HENMT1: variants seen among roughly 807,000 people sequenced by gnomAD.
HENMT1 encodes the protein HEN methyltransferase 1.
HENMT1 carries 27 observed loss-of-function variants against 31.1 expected under a neutral mutation model. The ratio of observed to expected loss-of-function variants is 0.87; its 90% CI spans 0.64 to 1.20. The LOEUF is 1.20. Among genes scored for constraint, HENMT1 ranks in the 50% most tolerant of loss-of-function variants. The pLI is 0.00. For missense variants in HENMT1, 438 were observed against 469.6 expected, an observed-to-expected ratio of 0.93 and a Z score of 0.62; for synonymous variants, 167 against 172.2, an observed-to-expected ratio of 0.97 and a Z score of 0.24.
chr1:108,658,948 A>C (rs1367258243), intron 2 of HENMT1, among the ~76,000 whole-genome samples: 2 of 152,232 alleles, frequency 1.3e-5, no homozygotes, highest in African/African-American at 4.8e-5. Flanking sequence ...GATAAAATAC[A>C]AGTAGGCAAC....
intron 1 of HENMT1, among the ~76,000 whole-genome samples, chr1:108,660,676 G>A (rs1254442311): frequency 6.6e-6 from 1 of 152,138 alleles, no homozygotes; most frequent in South Asian, 2.1e-4. Flanking sequence ...TGTAATCCCA[G>A]CACTTTGGGA....
intron 2 of HENMT1, among the ~76,000 whole-genome samples, chr1:108,658,504 C>T (rs1274729999): frequency 6.6e-6 from 1 of 152,182 alleles, no homozygotes; most frequent in African/African-American, 2.4e-5. Flanking sequence ...TGGGCTCAAG[C>T]AATCCTCTGG....
chr1:108,654,760 T>C lies in HENMT1; in HGVS notation c.354A>G (p.Arg118=), dbSNP rs1658164902. The C allele has an allele frequency of 3.1e-6, 5 of 1,614,054 alleles. No individual in the cohort carries two copies. Among genetic ancestry groups the C allele is most frequent in the Non-Finnish European group, 4.2e-6 (5 of 1,179,950 alleles). ...ITLYHGSVVE[R]DSRLLGFDLI... ...AGTCAAATCCAAGCAAACGAGAGTC[T>C]CTCTCCACAACGGAGCCATGATACA... The change falls in exon 5 of 8, where the codon AGA becomes AGG. Residue 118 remains arginine (R), a synonymous_variant. Transcript: ENST00000651461.
chr1:108,651,000 C>T, intron 6 of HENMT1, 30 bp downstream of exon 6: 1 of 1,520,590 alleles, frequency 6.6e-7, no homozygotes, highest in Non-Finnish European at 9.0e-7. Context: ...CAACAGGATC[C>T]CAAATAAACA....
chr1:108,655,848 TACACACAC>T lies in HENMT1; in HGVS notation c.151-158_151-151del, dbSNP rs61122468. 2,133 of 233,470 alleles carry T rather than the reference TACACACAC, an allele frequency of 9.1e-3. 9 individuals are homozygous for T. Among genetic ancestry groups the T allele is most frequent in the African/African-American group, 0.019 (792 of 40,634 alleles). The allele number at this position is 233,470 out of a possible 1,614,324, so 14.5% of individuals were successfully genotyped here. A position where few individuals can be genotyped will look rare whatever the true frequency, so the allele number is the denominator to read the frequency against. ...GAAGGATCTTTTTGGCAGAAGATGC[TACACACAC>T]ACACACACACACACACACACACACA... On this transcript the variant is annotated intron_variant, in intron 3 of 7. Transcript: ENST00000651461.
At position 108,657,485 on chromosome 1, in the gene HENMT1, A is replaced by G. The variant is rs754302351; in HGVS notation, c.116T>C (p.Val39Ala). 6.5e-5 allele frequency: 104 copies of G among 1,609,674 alleles called. No individual in the cohort carries two copies. The highest frequency in any genetic ancestry group is 7.5e-5 in the Non-Finnish European group (88 of 1,176,730). Residue 39 changes from valine to alanine, a missense_variant, in exon 3 of 8, where the codon GTT becomes GCT. Physicochemically the swap from Val to Ala is moderately conservative, Grantham distance 64. Coordinates refer to ENST00000651461, the MANE Select transcript of HENMT1 (RefSeq NM_001102592.2). Reference protein sequence around the residue: ...PPLYRQRYQFVKNLVDQHEPK... With the variant: ...PPLYRQRYQFAKNLVDQHEPK... ...CTCATGTTGATCCACTAAATTTTTA[A>G]CGAACTGGTACCGCTGTCTGTATAG... is the stretch of plus-strand genomic sequence containing the variant.
At chr1:108,652,164 C>A (rs1023216778) in intron 5 of HENMT1, among the ~76,000 whole-genome samples, 8 of 152,114 alleles carry the variant, frequency 5.3e-5, no homozygotes, top group African/African-American at 1.7e-4. Flanking sequence ...TAAATTATAG[C>A]TAAATTTTAA....
chr1:108,661,200 G>C (rs996327948), upstream of HENMT1: 1 of 155,808 alleles, frequency 6.4e-6, no homozygotes, highest in Non-Finnish European at 1.4e-5. Flanking sequence ...CGCTCTCACG[G>C]TCGGCCTTGG....
At chr1:108,658,773 T>C (rs1005025385) in intron 2 of HENMT1, among the ~76,000 whole-genome samples, 1 of 152,224 alleles carries the variant, frequency 6.6e-6, no homozygotes, top group Non-Finnish European at 1.5e-5. Flanking sequence ...AATGTTCTTA[T>C]TGCAACAGTC....
At chr1:108,655,506 T>C (rs972865841) in intron 4 of HENMT1, 80 bp downstream of exon 4, 1 of 789,912 alleles carries the variant, frequency 1.3e-6, no homozygotes, top group Non-Finnish European at 2.0e-6. Context: ...AAAACAAATA[T>C]AAAATCAACA....
At chr1:108,656,574 T>A (rs1030155975) in intron 3 of HENMT1, among the ~76,000 whole-genome samples, 24 of 152,158 alleles carry the variant, frequency 1.6e-4, no homozygotes, top group African/African-American at 5.8e-4. Context: ...CTCAACCTCC[T>A]GGGCTCAAGG....
At chr1:108,654,051 T>G (rs926279385) in intron 5 of HENMT1, among the ~76,000 whole-genome samples, 1 of 152,214 alleles carries the variant, frequency 6.6e-6, no homozygotes, top group Non-Finnish European at 1.5e-5. Flanking sequence ...CCATCTTGAG[T>G]TGATGCTTGT....
chr1:108,651,052 T>C lies in HENMT1; in HGVS notation c.556A>G (p.Thr186Ala). 6.2e-7 allele frequency: 1 copy of C among 1,613,792 alleles called. No individual in the cohort carries two copies. The highest frequency in any genetic ancestry group is 8.5e-7 in the Non-Finnish European group (1 of 1,179,784). ...LRDSDHKFEW[T>A]RMEFQTWALY... ...TACCAGGTCTGAAACTCCATTCTGG[T>C]CCACTCAAATTTATGATCTGAATCT... Residue 186 changes from threonine to alanine, a missense_variant, in exon 6 of 8, where the codon ACC becomes GCC. By Grantham distance (58) the Thr-to-Ala change is moderately conservative (BLOSUM62 0). Coordinates refer to ENST00000651461, the MANE Select transcript of HENMT1 (RefSeq NM_001102592.2).
rs1657956800 is a variant in HENMT1 at position 108,648,811 on chromosome 1, A to C, written c.937T>G (p.Cys313Gly). The C allele has an allele frequency of 6.2e-7, 1 of 1,614,076 alleles. No homozygotes were observed. The highest frequency in any genetic ancestry group is 1.3e-5 in the African/African-American group (1 of 74,916). The change falls in exon 8 of 8, where the codon TGC (cysteine) becomes GGC (glycine). Residue 313 changes from cysteine (C) to glycine (G), a missense_variant. Cys to Gly is a radical substitution (Grantham distance 159). Coordinates refer to ENST00000651461, the MANE Select transcript of HENMT1 (RefSeq NM_001102592.2). Reference protein sequence around the residue: ...DIGGSKAPVPCFGPVFTEVEK... With the variant: ...DIGGSKAPVPGFGPVFTEVEK... ...ACCTCTGTGAAGACTGGTCCAAAGCATGGGACAGGGGCCTTTGAGCCACCA... is the reference window on the plus strand; with the variant it reads ...ACCTCTGTGAAGACTGGTCCAAAGCCTGGGACAGGGGCCTTTGAGCCACCA...
chr1:108,651,180 G>A lies in HENMT1; in HGVS notation c.428C>T (p.Ala143Val). 6.2e-7 allele frequency: 1 copy of A among 1,613,850 alleles called. No individual in the cohort carries two copies. The highest frequency in any genetic ancestry group is 8.5e-7 in the Non-Finnish European group (1 of 1,179,922). The change falls in exon 6 of 8, where the codon GCC becomes GTC. Residue 143 changes from alanine (A) to valine (V), a missense_variant. Physicochemically the swap from Ala to Val is moderately conservative, Grantham distance 64 (BLOSUM62 0). Coordinates refer to ENST00000651461, the MANE Select transcript of HENMT1 (RefSeq NM_001102592.2). ...LIEHLDSGDL[A>V]RFPEVVFGYL... ...CCCAAATACCACTTCAGGAAATCTG[G>A]CCAGATCACCTGAATCCAAATGTTC...
intron 5 of HENMT1, 48 bp from the exon 6 acceptor site, chr1:108,651,257 A>C: frequency 6.8e-7 from 1 of 1,475,906 alleles, no homozygotes; most frequent in Non-Finnish European, 9.3e-7. Flanking sequence ...CTTCACTTGC[A>C]CCTATTTTTC....
chr1:108,654,946 C>A, intron 4 of HENMT1, 96 bp from the exon 5 acceptor site: 1 of 1,243,910 alleles, frequency 8.0e-7, no homozygotes, highest in South Asian at 1.3e-5. Context: ...TATCTTCTAC[C>A]TCTATTGATA....
intron 5 of HENMT1, among the ~76,000 whole-genome samples, chr1:108,653,007 A>G (rs1658106066): frequency 1.3e-5 from 2 of 151,064 alleles, no homozygotes; most frequent in South Asian, 2.1e-4. Flanking sequence ...AGGGCTGAAT[A>G]GTATTCCATT....
chr1:108,651,786 T>A (rs1424779095), intron 5 of HENMT1, among the ~76,000 whole-genome samples: 1 of 151,758 alleles, frequency 6.6e-6, no homozygotes, highest in East Asian at 1.9e-4. Flanking sequence ...GAACAATTAT[T>A]CATATATTCT....
Sources: allele counts gnomAD v4.1 joint callset (sites outside exome capture counted in the v4.1 genomes callset), GRCh38; gene constraint gnomAD v4.1.1; transcripts MANE v1.5; gene names NCBI Gene and HGNC (gene_info 2026-07-23, HGNC 2026-07-21).